Variants in DNAH17 observed in about 807,000 individuals in gnomAD.
The protein encoded by DNAH17 is axonemal beta dynein heavy chain 17.
DNAH17 carries 376 observed loss-of-function variants against 485.6 expected under a neutral mutation model. The ratio of observed to expected loss-of-function variants is 0.77; its 90% confidence interval spans 0.71 to 0.84. DNAH17 has a LOEUF of 0.84. Among genes scored for constraint, DNAH17 ranks in the 40% least tolerant of loss-of-function variants. The pLI is 0.00. For missense variants in DNAH17, 6,370 were observed against 5,839.3 expected, an observed-to-expected ratio of 1.09 and a Z score of -2.96; for synonymous variants, 3,031 against 2,405.9, an observed-to-expected ratio of 1.26 and a Z score of -7.60.
chr17:78,432,912 C>CT (rs1049682870), intron 75 of DNAH17, among the ~76,000 whole-genome samples: 4 of 129,864 alleles, frequency 3.1e-5, no homozygotes, highest in Non-Finnish European at 3.3e-5. Flanking sequence ...GCCCCCCCCC[C>CT]CCGACCCCGG....
chr17:78,484,750 C>G, intron 48 of DNAH17, 118 bp downstream of exon 48: 19 of 371,294 alleles, frequency 5.1e-5, no homozygotes, highest in Non-Finnish European at 7.0e-5. Flanking sequence ...CCCCCCCCAC[C>G]GCCCCACACC....
At chr17:78,502,476 G>T (rs920056359) in intron 33 of DNAH17, 115 bp downstream of exon 33, 1 of 1,038,218 alleles carries the variant, frequency 9.6e-7, no homozygotes, top group South Asian at 1.7e-5. Flanking sequence ...CTCAGCCTCC[G>T]AGAAGAAGCC....
At chr17:78,439,878 T>G (rs1425982232) in intron 72 of DNAH17, among the ~76,000 whole-genome samples, 1 of 151,858 alleles carries the variant, frequency 6.6e-6, no homozygotes, top group Non-Finnish European at 1.5e-5. Context: ...TCATGTTGGC[T>G]AGGCTGGTCT....
At chr17:78,450,071 G>A in intron 68 of DNAH17, 183 bp downstream of exon 68, 1 of 653,344 alleles carries the variant, frequency 1.5e-6, no homozygotes, top group Non-Finnish European at 2.6e-6. Flanking sequence ...GGGAGAATGG[G>A]TGTAGGACTG....
chr17:78,452,055 C>T (rs1356161343), intron 65 of DNAH17, among the ~76,000 whole-genome samples: 1 of 149,728 alleles, frequency 6.7e-6, no homozygotes, highest in Non-Finnish European at 1.5e-5. Context: ...TGCTCATCCA[C>T]TGTGGGGGGC....
intron 25 of DNAH17, among the ~76,000 whole-genome samples, chr17:78,524,692 A>T (rs535929772): frequency 6.6e-6 from 1 of 151,118 alleles, no homozygotes; most frequent in Non-Finnish European, 1.5e-5. Context: ...TTCCTTACTT[A>T]AAAAAATTTC....
At chr17:78,458,394 A>C (rs1038109947) in intron 62 of DNAH17, 171 bp downstream of exon 62, 3 of 619,436 alleles carry the variant, frequency 4.8e-6, no homozygotes, top group African/African-American at 1.9e-5. Flanking sequence ...GAGGCCACTG[A>C]CTATGCAAGA....
At chr17:78,574,405 A>G (rs2143756859) in intron 2 of DNAH17, among the ~76,000 whole-genome samples, 2 of 152,030 alleles carry the variant, frequency 1.3e-5, no homozygotes, top group South Asian at 4.2e-4. Flanking sequence ...CAGGAGGCTG[A>G]GGCTGGAGGA....
Position 78,426,611 on chromosome 17 carries a change from C to A in DNAH17, c.12772-11G>T, listed in dbSNP as rs766418620. 5.6e-6 allele frequency: 9 copies of A among 1,594,194 alleles called. No homozygotes were observed. The highest frequency in any genetic ancestry group is 4.5e-5 in the South Asian group (4 of 88,636). On this transcript the variant is annotated splice_polypyrimidine_tract_variant and intron_variant, in intron 78 of 80. Transcript: ENST00000389840. ...GATGGTCAGTTCTCCCTAGGAGACACACAGATGGGTGTGGGGAGCCCTGAG... is the reference window on the plus strand; with the variant it reads ...GATGGTCAGTTCTCCCTAGGAGACAAACAGATGGGTGTGGGGAGCCCTGAG...
chr17:78,463,406 GCATT>G (rs2088245019), intron 56 of DNAH17, among the ~76,000 whole-genome samples: 2 of 150,024 alleles, frequency 1.3e-5, no homozygotes, highest in East Asian at 3.9e-4. Context: ...GCGTGCACAC[GCATT>G]CACATACCTG....
At chr17:78,425,716 T>C in intron 79 of DNAH17, 145 bp from the exon 80 acceptor site, 2 of 597,918 alleles carry the variant, frequency 3.3e-6, no homozygotes, top group Non-Finnish European at 5.4e-6. Context: ...GTAGGGGCCA[T>C]GGAGCCCAGC....
chr17:78,523,192 G>A (rs906911293), intron 25 of DNAH17, among the ~76,000 whole-genome samples: 3 of 148,358 alleles, frequency 2.0e-5, no homozygotes, highest in African/African-American at 7.5e-5. Flanking sequence ...GTCTCACTCT[G>A]TCCCCCAGGC....
chr17:78,492,176 C>T (rs1254942315), intron 42 of DNAH17, among the ~76,000 whole-genome samples: 3 of 152,134 alleles, frequency 2.0e-5, no homozygotes, highest in African/African-American at 7.2e-5. Context: ...GCTCTCGCAG[C>T]TCCTTTCTGC....
rs1164011080 is a variant in DNAH17 at position 78,509,023 on chromosome 17, G to A, written c.4237-1218C>T. On this transcript the variant is annotated intron_variant, in intron 27 of 80. Transcript: ENST00000389840. ...ACTTTGTCACCCAGGCTGGACTGCA[G>A]TGGCGCGATCTCAGCTCACTGCAAC... 1.6e-5 allele frequency among the ~76,000 whole-genome samples: 2 copies of A among 126,980 alleles called. 1 individual carries two copies. Among genetic ancestry groups the A allele is most frequent in the Non-Finnish European group, 3.3e-5 (2 of 60,510 alleles). The allele number at this position is 126,980 out of a possible 152,430, so 83.3% of individuals were successfully genotyped here. A position where few individuals can be genotyped will look rare whatever the true frequency, so the allele number is the denominator to read the frequency against.
At chr17:78,479,322 C>T (rs997092041) in intron 50 of DNAH17, among the ~76,000 whole-genome samples, 163 bp downstream of exon 50, 1 of 152,172 alleles carries the variant, frequency 6.6e-6, no homozygotes, top group Non-Finnish European at 1.5e-5. Context: ...CCCCATGAAG[C>T]AATTGTATTT....
chr17:78,479,250 G>T, intron 50 of DNAH17, 134 bp from the exon 51 acceptor site: 1 of 1,045,554 alleles, frequency 9.6e-7, no homozygotes, highest in South Asian at 1.6e-5. Flanking sequence ...GCTCTTTGAA[G>T]TGGGAGGGAA....
chr17:78,468,556 C>A, intron 55 of DNAH17, 61 bp downstream of exon 55: 1 of 1,550,210 alleles, frequency 6.5e-7, no homozygotes, highest in Non-Finnish European at 8.7e-7. Flanking sequence ...AAAACCCATA[C>A]CCTGTAGGCC....
At chr17:78,454,913 C>T (rs964907959) in intron 63 of DNAH17, among the ~76,000 whole-genome samples, 2 of 150,694 alleles carry the variant, frequency 1.3e-5, no homozygotes, top group African/African-American at 2.5e-5. Flanking sequence ...CACCGGGCCA[C>T]GTTTTTTTTT....
At chr17:78,537,778 C>A (rs775159267) in intron 18 of DNAH17, among the ~76,000 whole-genome samples, 9 of 152,188 alleles carry the variant, frequency 5.9e-5, no homozygotes, top group African/African-American at 1.9e-4. Flanking sequence ...AGCTCTGAGG[C>A]CTTGGGGAGT....
Sources: allele counts gnomAD v4.1 joint callset (sites outside exome capture counted in the v4.1 genomes callset), GRCh38; gene constraint gnomAD v4.1.1; transcripts MANE v1.5; gene names NCBI Gene and HGNC (gene_info 2026-07-23, HGNC 2026-07-21).